The following PDE1A variants were observed in gnomAD, a reference collection of about 807,000 sequenced individuals.
PDE1A encodes the protein dual specificity calcium/calmodulin-dependent 3',5'-cyclic nucleotide phosphodiesterase 1A.
PDE1A carries 35 observed loss-of-function variants against 61.7 expected under a neutral mutation model. That is an observed-to-expected ratio of 0.57 (90% confidence interval 0.43 to 0.75). The LOEUF (loss-of-function observed/expected upper bound fraction) is 0.75, where lower values mean the gene tolerates loss of function less well. Among genes scored for constraint, PDE1A ranks in the 30% least tolerant of loss-of-function variants. The probability of loss-of-function intolerance (pLI) is 0.00; values close to 1 mark genes in which losing one functional copy is unlikely to be tolerated. For synonymous variants in PDE1A, 232 were observed against 213.2 expected, an observed-to-expected ratio of 1.09 and a Z score of -0.77; for missense variants, 597 against 630.6, an observed-to-expected ratio of 0.95 and a Z score of 0.57.
chr2:182,148,054 G>A (rs1398777094), intron 13 of PDE1A, among the ~76,000 whole-genome samples: 1 of 152,150 alleles, frequency 6.6e-6, no homozygotes, highest in African/African-American at 2.4e-5. Context: ...CGATATGGAG[G>A]GTTGGGACTT....
chr2:182,246,396 TTTTTCTTTC>T (rs1157297532), intron 2 of PDE1A, among the ~76,000 whole-genome samples: 23,915 of 108,040 alleles, frequency 0.22, 3,035 homozygotes, highest in Middle Eastern at 0.31. Context: ...TCTTTTTTCT[TTTTTCTTTC>T]TTTTTTTTTT....
At position 182,433,102 on chromosome 2, in the gene PDE1A, T is replaced by C. The variant is rs1237434792; in HGVS notation, c.101+89174A>G. On this transcript the variant is annotated intron_variant, in intron 2 of 14. Coordinates refer to the PDE1A transcript ENST00000410103. ...GTGGTCATGGCAGGCTCATGACAGA[T>C]ACACTGCTCCATCTCAGCTAGCTTT... Among the ~76,000 whole-genome samples, 3 of 152,162 alleles carry C rather than the reference T, an allele frequency of 2.0e-5. No individual in the cohort carries two copies. The East Asian group carries it at 5.8e-4, about 30-fold the overall frequency.
chr2:182,699,425 T>C, the PDE1A span, among the ~76,000 whole-genome samples: 1 of 152,220 alleles, frequency 6.6e-6, no homozygotes, highest in Non-Finnish European at 1.5e-5. Context: ...CACTGAAGAA[T>C]AAAGCACTGG....
intron 1 of PDE1A, among the ~76,000 whole-genome samples, chr2:182,308,847 T>C (rs925984383): frequency 6.6e-6 from 1 of 152,064 alleles, no homozygotes; most frequent in African/African-American, 2.4e-5. Flanking sequence ...TAACATTGAT[T>C]AAAATTCAGC....
chr2:182,210,467 G>C (rs76504393), intron 7 of PDE1A, among the ~76,000 whole-genome samples: 4,405 of 152,158 alleles, frequency 0.029, 218 homozygotes, highest in African/African-American at 0.1. Flanking sequence ...TGGAGTGACT[G>C]GTAAAGTTTT....
At chr2:182,395,269 A>G (rs1343470214) in intron 1 of PDE1A, among the ~76,000 whole-genome samples, 1 of 152,220 alleles carries the variant, frequency 6.6e-6, no homozygotes, top group African/African-American at 2.4e-5. Flanking sequence ...GCTTTGTGTC[A>G]TAATCTTGTT....
At chr2:182,245,679 C>T (rs1285391140) in intron 2 of PDE1A, among the ~76,000 whole-genome samples, 1 of 150,900 alleles carries the variant, frequency 6.6e-6, no homozygotes, top group African/African-American at 2.4e-5. Context: ...CTTTTCATGG[C>T]TTGATAGCTA....
At chr2:182,603,597 A>G in the PDE1A span, among the ~76,000 whole-genome samples, 1 of 152,142 alleles carries the variant, frequency 6.6e-6, no homozygotes, top group Non-Finnish European at 1.5e-5. Context: ...TGATCCGCCC[A>G]CCTCGGCCTC....
At chr2:182,270,360 T>G (rs1015041832) in intron 1 of PDE1A, among the ~76,000 whole-genome samples, 3 of 152,118 alleles carry the variant, frequency 2.0e-5, no homozygotes, top group African/African-American at 7.2e-5. Context: ...CAATGTCAAA[T>G]GATGCAGTTT....
At chr2:182,539,290 G>A in the PDE1A span, among the ~76,000 whole-genome samples, 1 of 152,144 alleles carries the variant, frequency 6.6e-6, no homozygotes, top group African/African-American at 2.4e-5. Flanking sequence ...AAACAAAAGA[G>A]GCTCTCGAGC....
chr2:182,342,419 C>T (rs1209369646), intron 1 of PDE1A, among the ~76,000 whole-genome samples: 2 of 152,328 alleles, frequency 1.3e-5, no homozygotes, highest in East Asian at 3.9e-4. Context: ...CACGGTGGCT[C>T]ACGCCTGTAA....
chr2:182,204,268 C>T (rs1462009932), intron 8 of PDE1A, among the ~76,000 whole-genome samples: 1 of 152,160 alleles, frequency 6.6e-6, no homozygotes, highest in African/African-American at 2.4e-5. Flanking sequence ...CTTGTTCCTA[C>T]CTTTGCCCAT....
At chr2:182,656,089 A>G in the PDE1A span, among the ~76,000 whole-genome samples, 1 of 152,134 alleles carries the variant, frequency 6.6e-6, no homozygotes, top group Non-Finnish European at 1.5e-5. Context: ...TTTCCCCCAC[A>G]TCATTCTATT....
intron 2 of PDE1A, among the ~76,000 whole-genome samples, chr2:182,255,364 T>C (rs1691697586): frequency 6.6e-6 from 1 of 152,206 alleles, no homozygotes; most frequent in Non-Finnish European, 1.5e-5. Flanking sequence ...ATTCTGACTC[T>C]AAATGCCAAA....
At chr2:182,170,060 A>G (rs1692047934) in intron 13 of PDE1A, among the ~76,000 whole-genome samples, 1 of 151,984 alleles carries the variant, frequency 6.6e-6, no homozygotes, top group African/African-American at 2.4e-5. Context: ...GTAGATTTTG[A>G]GCACACTTTT....
chr2:182,269,838 G>C (rs2125811636), intron 1 of PDE1A, among the ~76,000 whole-genome samples: 1 of 152,220 alleles, frequency 6.6e-6, no homozygotes, highest in Non-Finnish European at 1.5e-5. Flanking sequence ...GTGTATACCT[G>C]TGTCTGCACT....
intron 7 of PDE1A, among the ~76,000 whole-genome samples, chr2:182,209,302 C>T (rs1252126714): frequency 2.0e-5 from 3 of 151,956 alleles, no homozygotes; most frequent in East Asian, 2.0e-4. Flanking sequence ...CATCAAATCT[C>T]GTGAGACTTA....
chr2:182,243,968 A>G (rs965421550), intron 2 of PDE1A, among the ~76,000 whole-genome samples: 2 of 152,128 alleles, frequency 1.3e-5, no homozygotes, highest in Non-Finnish European at 2.9e-5. Context: ...CCCGGGTTCA[A>G]GCGATTCTCC....
At chr2:182,430,790 A>T (rs1354560329), upstream of PDE1A, among the ~76,000 whole-genome samples, 1 of 134,516 alleles carries the variant, frequency 7.4e-6, no homozygotes, top group Non-Finnish European at 1.6e-5. Context: ...AAAAATGATG[A>T]GTTCATGTCC....
Sources: allele counts gnomAD v4.1 joint callset (sites outside exome capture counted in the v4.1 genomes callset), GRCh38; gene constraint gnomAD v4.1.1; transcripts MANE v1.5; gene names NCBI Gene and HGNC (gene_info 2026-07-23, HGNC 2026-07-21).